CADPS2: variants seen among roughly 807,000 people sequenced by gnomAD.
CADPS2 encodes the protein calcium dependent secretion activator 2.
In CADPS2, 93 loss-of-function variants were observed where a neutral mutation model predicts 172.5. The ratio of observed to expected loss-of-function variants is 0.54; its 90% CI spans 0.46 to 0.64. The LOEUF is 0.64. Ranked by LOEUF, CADPS2 falls within the 30% of genes least tolerant of loss-of-function variation. CADPS2 has a pLI of 0.00. For missense variants in CADPS2, 1,420 were observed against 1,565.9 expected (o/e 0.91, Z 1.57); for synonymous variants, 546 against 555.2 (o/e 0.98, Z 0.23).
intron 25 of CADPS2, among the ~76,000 whole-genome samples, chr7:122,377,353 G>T (rs546294557): frequency 1.3e-5 from 2 of 152,192 alleles, no homozygotes; most frequent in East Asian, 3.9e-4. Flanking sequence ...GCCAGAAATG[G>T]ATGCAGAGAT....
At chr7:122,868,464 C>A (rs1818854214) in intron 1 of CADPS2, among the ~76,000 whole-genome samples, 1 of 152,154 alleles carries the variant, frequency 6.6e-6, no homozygotes, top group African/African-American at 2.4e-5. Context: ...TGTCTTCTCT[C>A]ACCTCTCTCA....
At chr7:122,737,519 T>C (rs891414887) in intron 1 of CADPS2, among the ~76,000 whole-genome samples, 1 of 152,144 alleles carries the variant, frequency 6.6e-6, no homozygotes, top group African/African-American at 2.4e-5. Context: ...ACACTAATGG[T>C]TAGACTTTAA....
chr7:122,759,949 C>T (rs2093319134), intron 1 of CADPS2, among the ~76,000 whole-genome samples: 1 of 151,738 alleles, frequency 6.6e-6, no homozygotes, highest in East Asian at 1.9e-4. Flanking sequence ...AATTCAGTCA[C>T]AAATTTTATT....
At chr7:122,715,635 A>T (rs1013947900) in intron 2 of CADPS2, among the ~76,000 whole-genome samples, 2 of 152,090 alleles carry the variant, frequency 1.3e-5, no homozygotes, top group African/African-American at 4.8e-5. Context: ...GGACAAAGAT[A>T]GCTTTAGTCA....
At chr7:122,795,042 A>T (rs763982033) in intron 1 of CADPS2, among the ~76,000 whole-genome samples, 8 of 152,116 alleles carry the variant, frequency 5.3e-5, no homozygotes, top group Non-Finnish European at 8.8e-5. Flanking sequence ...TAATAACCTC[A>T]CATCACAACT....
chr7:122,681,298 C>G (rs983560397), intron 2 of CADPS2: 1 of 997,556 alleles, frequency 1.0e-6, no homozygotes, highest in Non-Finnish European at 1.6e-6. Flanking sequence ...AAGAGCTCTC[C>G]GGTCCGTGCC....
Position 122,688,731 on chromosome 7 carries a change from T to TGAG in CADPS2, c.454-25165_454-25163dup, listed in dbSNP as rs753221996. On this transcript the variant is annotated intron_variant, in intron 2 of 29. Transcript: ENST00000449022. ...ACAATAGTGGCTTAGAGCCAAATGA[T>TGAG]GAGCCTTCCCATTTTATGGCTACAT... Among the ~76,000 whole-genome samples the TGAG allele has an allele frequency of 4.0e-5, 6 of 151,304 alleles. No homozygotes were observed. In the South Asian group the frequency reaches 8.4e-4, roughly 21 times the overall value.
intron 1 of CADPS2, among the ~76,000 whole-genome samples, chr7:122,770,695 G>A (rs868557926): frequency 5.9e-5 from 9 of 152,122 alleles, no homozygotes; most frequent in Admixed American, 1.3e-4. Flanking sequence ...AAGGAACATG[G>A]CCCAGCTTCT....
rs558686534 is a variant in CADPS2, at chr7:122,396,482, A to C, written c.2747-2900T>G. Reference sequence around the variant, plus strand: ...AGGGGCTTGCTGAAATATGAAACTAAGAATGTCACTCCTAAAGATTATAAT... The same window carrying C: ...AGGGGCTTGCTGAAATATGAAACTACGAATGTCACTCCTAAAGATTATAAT... On this transcript the variant is annotated intron_variant, in intron 20 of 29. Transcript: ENST00000449022. 3.3e-5 allele frequency among the ~76,000 whole-genome samples: 5 copies of C among 152,328 alleles called. No homozygotes were observed. In the East Asian group the frequency reaches 9.7e-4, roughly 29 times the overall value.
At chr7:122,606,649 T>A (rs2133645587) in intron 6 of CADPS2, among the ~76,000 whole-genome samples, 1 of 152,220 alleles carries the variant, frequency 6.6e-6, no homozygotes, top group Admixed American at 6.5e-5. Flanking sequence ...TGAGACCGAC[T>A]GAGAGGCTTT....
intron 5 of CADPS2, among the ~76,000 whole-genome samples, chr7:122,620,512 TATC>T (rs2075476047): frequency 6.6e-6 from 1 of 152,176 alleles, no homozygotes; most frequent in Non-Finnish European, 1.5e-5. Flanking sequence ...AATGAAGAGA[TATC>T]ATGTAAACCA....
chr7:122,417,466 G>C (rs142861196), intron 17 of CADPS2, among the ~76,000 whole-genome samples: 34 of 152,306 alleles, frequency 2.2e-4, no homozygotes, highest in African/African-American at 7.7e-4. Flanking sequence ...GTTGGCTGTA[G>C]GAAGTAGAAG....
chr7:122,661,165 C>G (rs988964558), intron 3 of CADPS2, among the ~76,000 whole-genome samples: 1 of 152,124 alleles, frequency 6.6e-6, no homozygotes. Context: ...AATCCTACTA[C>G]AAATATATGT....
intron 8 of CADPS2, among the ~76,000 whole-genome samples, chr7:122,552,550 C>T (rs148191838): frequency 3.9e-5 from 6 of 152,160 alleles, no homozygotes; most frequent in African/African-American, 1.4e-4. Context: ...CAAATCAAGC[C>T]TTGTAAGGGG....
intron 2 of CADPS2, among the ~76,000 whole-genome samples, chr7:122,682,530 A>G (rs2083164549): frequency 6.6e-6 from 1 of 152,218 alleles, no homozygotes; most frequent in African/African-American, 2.4e-5. Context: ...TTAGTGTATT[A>G]CTTTTGAAGC....
At chr7:122,850,188 T>TA in intron 1 of CADPS2, 2 of 1,099,904 alleles carry the variant, frequency 1.8e-6, no homozygotes, top group African/African-American at 1.6e-5. Flanking sequence ...CCCATGCTGA[T>TA]AGAGTACCCT....
intron 2 of CADPS2, among the ~76,000 whole-genome samples, chr7:122,665,643 T>C (rs754299077): frequency 1.3e-5 from 2 of 152,192 alleles, no homozygotes; most frequent in Non-Finnish European, 2.9e-5. Flanking sequence ...ATTTGTCAAA[T>C]ATTATACTGA....
rs1333684756 is a variant in CADPS2 at position 122,581,407 on chromosome 7, T to C, written c.1224-117A>G. On this transcript the variant is annotated intron_variant, in intron 6 of 29. Coordinates refer to ENST00000449022, the MANE Select transcript of CADPS2 (RefSeq NM_017954.11). ...AATCTTCTGTGCTCAATGAGCTTTT[T>C]ATCTTTGCTTTTGTTTCTAGCAGAT... 4 of 713,358 alleles carry C rather than the reference T, an allele frequency of 5.6e-6. No individual in the cohort carries two copies. In the East Asian group the frequency reaches 8.0e-5, roughly 14 times the overall value. The allele number at this position is 713,358 out of a possible 1,614,324, so 44.2% of individuals were successfully genotyped here. A position where few individuals can be genotyped will look rare whatever the true frequency, so the allele number is the denominator to read the frequency against.
intron 1 of CADPS2, among the ~76,000 whole-genome samples, chr7:122,880,988 T>C (rs1822790796): frequency 6.6e-6 from 1 of 152,126 alleles, no homozygotes; most frequent in African/African-American, 2.4e-5. Flanking sequence ...TTCACAAAGG[T>C]CTCAATTAAT....
Sources: gnomAD v4.1 joint callset for allele counts (sites outside exome capture counted in the v4.1 genomes callset) on GRCh38, gnomAD v4.1.1 for gene constraint, MANE v1.5 for transcripts, NCBI Gene and HGNC (gene_info 2026-07-23, HGNC 2026-07-21) for gene names.